Variants in SIPA1L1 observed in about 807,000 individuals in gnomAD.
SIPA1L1 encodes signal induced proliferation associated 1 like 1.
In SIPA1L1, 26 loss-of-function variants were observed where a neutral mutation model predicts 162.7. That is an observed-to-expected ratio of 0.16 (90% CI 0.12 to 0.22). The LOEUF (loss-of-function observed/expected upper bound fraction) is 0.22, where lower values mean the gene tolerates loss of function less well. SIPA1L1 is among the 10% of genes least tolerant of loss of function. SIPA1L1 has a pLI of 1.00. For missense variants in SIPA1L1, 1,874 were observed against 2,241.0 expected (o/e 0.84, Z 3.31); for synonymous variants, 829 against 837.4 (o/e 0.99, Z 0.17).
At chr14:71,600,373 T>G (rs1244134776) in intron 5 of SIPA1L1, among the ~76,000 whole-genome samples, 2 of 152,196 alleles carry the variant, frequency 1.3e-5, no homozygotes, top group Non-Finnish European at 2.9e-5. Flanking sequence ...CCATTGTGTG[T>G]TCTTGACACC....
intron 4 of SIPA1L1, among the ~76,000 whole-genome samples, chr14:71,560,522 G>A (rs945728455): frequency 2.0e-5 from 3 of 152,230 alleles, no homozygotes; most frequent in Admixed American, 6.5e-5. Context: ...AAGCTAAAGA[G>A]TGTTGCAGGC....
chr14:71,349,943 T>C (rs1184583010), intron 2 of SIPA1L1, among the ~76,000 whole-genome samples: 1 of 152,078 alleles, frequency 6.6e-6, no homozygotes. Context: ...ATGTGGAGAA[T>C]AGGACATCTT....
chr14:71,552,994 G>A (rs541248613), intron 4 of SIPA1L1, among the ~76,000 whole-genome samples: 11 of 152,210 alleles, frequency 7.2e-5, no homozygotes, highest in East Asian at 5.8e-4. Context: ...CTCTACCCAC[G>A]AGATGCCAAT....
chr14:71,589,089 A>C lies in SIPA1L1; in HGVS notation c.1217A>C (p.Lys406Thr), dbSNP rs752830085. Residue 406 changes from lysine (K) to threonine (T), a missense_variant, in exon 5 of 24, where the codon AAA becomes ACA. Lys to Thr is a moderately conservative substitution (Grantham distance 78, BLOSUM62 -1). Transcript: ENST00000381232. ...CTCAGCATGGACCAGGGAGATGATA[A>C]AAGCAATGAGCTTGTAATGAGCTGT... Reference protein sequence around the residue: ...GSLSMDQGDDKSNELVMSCPY... With the variant: ...GSLSMDQGDDTSNELVMSCPY... 9 of 1,614,040 alleles carry C rather than the reference A, an allele frequency of 5.6e-6. No homozygotes were observed. Among genetic ancestry groups the C allele is most frequent in the Non-Finnish European group, 7.6e-6 (9 of 1,179,996 alleles).
intron 2 of SIPA1L1, among the ~76,000 whole-genome samples, chr14:71,459,239 G>A (rs1026381909): frequency 6.6e-6 from 1 of 152,064 alleles, no homozygotes; most frequent in South Asian, 2.1e-4. Context: ...ATATGTGGCG[G>A]GAACATACTA....
At chr14:71,729,972 G>A in intron 19 of SIPA1L1, 83 bp from the exon 20 acceptor site, 2 of 1,479,540 alleles carry the variant, frequency 1.4e-6, no homozygotes, top group African/African-American at 1.4e-5. Flanking sequence ...GCAGTAACTT[G>A]GTTATCCCAC....
intron 8 of SIPA1L1, among the ~76,000 whole-genome samples, chr14:71,654,914 A>G (rs138622836): frequency 3.1e-4 from 47 of 152,258 alleles, no homozygotes; most frequent in African/African-American, 1.1e-3. Context: ...TAAAAATATT[A>G]TAATAAGAGC....
At chr14:71,733,631 A>C (rs2085010774) in intron 20 of SIPA1L1, 35 bp from the exon 21 acceptor site, 1 of 1,606,806 alleles carries the variant, frequency 6.2e-7, no homozygotes, top group Non-Finnish European at 8.5e-7. Context: ...TTCCACAGGC[A>C]CAAGAAGCAT....
At chr14:71,656,783 A>G (rs2043093330) in intron 8 of SIPA1L1, among the ~76,000 whole-genome samples, 1 of 152,232 alleles carries the variant, frequency 6.6e-6, no homozygotes, top group South Asian at 2.1e-4. Flanking sequence ...CCACAGTTGT[A>G]GTCTATTCTT....
At chr14:71,491,823 C>T (rs2049304480) in intron 2 of SIPA1L1, among the ~76,000 whole-genome samples, 1 of 150,878 alleles carries the variant, frequency 6.6e-6, no homozygotes, top group Non-Finnish European at 1.5e-5. Context: ...CCCCTTCCCC[C>T]GCCCCCCCAC....
intron 17 of SIPA1L1, among the ~76,000 whole-genome samples, chr14:71,719,434 TGC>T (rs1376853133): frequency 2.0e-5 from 3 of 152,250 alleles, no homozygotes; most frequent in Admixed American, 6.5e-5. Context: ...TTCGCATCCT[TGC>T]CAGCACTTGA....
At chr14:71,561,877 A>T (rs1381984270) in intron 4 of SIPA1L1, among the ~76,000 whole-genome samples, 1 of 152,182 alleles carries the variant, frequency 6.6e-6, no homozygotes, top group Non-Finnish European at 1.5e-5. Context: ...GTGAGCCACC[A>T]TGCCCGGCCC....
At chr14:71,457,373 C>G (rs1177698532) in intron 2 of SIPA1L1, among the ~76,000 whole-genome samples, 4 of 151,122 alleles carry the variant, frequency 2.6e-5, no homozygotes, top group Non-Finnish European at 5.9e-5. Flanking sequence ...GATATCGGCT[C>G]ACTGCAACCT....
chr14:71,697,793 T>G (rs2081762335), intron 13 of SIPA1L1, among the ~76,000 whole-genome samples: 1 of 152,200 alleles, frequency 6.6e-6, no homozygotes, highest in African/African-American at 2.4e-5. Context: ...AGAAGATAAA[T>G]AGGTTCACTG....
chr14:71,352,852 A>G (rs1445468502), intron 2 of SIPA1L1, among the ~76,000 whole-genome samples: 1 of 152,240 alleles, frequency 6.6e-6, no homozygotes, highest in Non-Finnish European at 1.5e-5. Flanking sequence ...ACATGTCAAG[A>G]TTTGGCATCT....
chr14:71,551,914 G>A (rs899950963), intron 4 of SIPA1L1, among the ~76,000 whole-genome samples: 1 of 152,122 alleles, frequency 6.6e-6, no homozygotes, highest in Non-Finnish European at 1.5e-5. Flanking sequence ...ACTTCACAAA[G>A]AGGCCTTCCT....
chr14:71,361,924 G>A (rs900006292), intron 2 of SIPA1L1, among the ~76,000 whole-genome samples: 3 of 152,192 alleles, frequency 2.0e-5, no homozygotes, highest in East Asian at 1.9e-4. Context: ...ATACTGTTGC[G>A]TGTGATATTT....
Position 71,735,289 on chromosome 14 carries a change from C to T in SIPA1L1, c.5021C>T (p.Ser1674Leu). ...CTCTCCTTTCCAGTCCAGAGAGCCT[C>T]ATTTTTTGCTGCTAGTGATGAAAAC... is the stretch of plus-strand genomic sequence containing the variant. Reference protein sequence around the residue: ...AAKAYEVQRASFFAASDENHR... With the variant: ...AAKAYEVQRALFFAASDENHR... Residue 1674 changes from serine (S) to leucine (L), a missense_variant, in exon 22 of 24, where the codon TCA becomes TTA. This residue lies in a region of SIPA1L1 where 936 missense variants were observed against 1,051.9 expected (regional missense o/e 0.89). Coordinates refer to ENST00000381232, the MANE Select transcript of SIPA1L1 (RefSeq NM_001386936.1). The T allele has an allele frequency of 6.2e-7, 1 of 1,613,424 alleles. No homozygotes were observed. Among genetic ancestry groups the T allele is most frequent in the Non-Finnish European group, 8.5e-7 (1 of 1,179,324 alleles).
At chr14:71,492,286 T>A (rs1156626494) in intron 2 of SIPA1L1, among the ~76,000 whole-genome samples, 1 of 152,142 alleles carries the variant, frequency 6.6e-6, no homozygotes, top group Non-Finnish European at 1.5e-5. Context: ...AACTGTGGTG[T>A]TGTTTTTATT....
Sources: allele counts gnomAD v4.1 joint callset (sites outside exome capture counted in the v4.1 genomes callset), GRCh38; gene constraint gnomAD v4.1.1; regional missense constraint gnomAD v4.1.1; transcripts MANE v1.5; gene names NCBI Gene and HGNC (gene_info 2026-07-23, HGNC 2026-07-21).